Variants in ALG12 observed in about 807,000 individuals in gnomAD.
ALG12 encodes ALG12 alpha-1,6-mannosyltransferase.
Under a neutral mutation model 46.0 loss-of-function variants are expected in ALG12, and 36 were observed. The ratio of observed to expected loss-of-function variants is 0.78; its 90% CI spans 0.60 to 1.03. The LOEUF (loss-of-function observed/expected upper bound fraction) is 1.03. Ranked by LOEUF, ALG12 falls within the 50% of genes least tolerant of loss-of-function variation. The pLI, the probability that ALG12 is intolerant of heterozygous loss-of-function variation, is 0.00. For synonymous variants in ALG12, 326 were observed against 291.6 expected (o/e 1.12, Z -1.20); for missense variants, 599 against 633.5 (o/e 0.95, Z 0.58).
the ALG12 span, among the ~76,000 whole-genome samples, chr22:49,864,817 C>A: frequency 4.0e-5 from 1 of 25,084 alleles, no homozygotes. Flanking sequence ...GAGACCCTGT[C>A]TCCAAAAAAA....
the ALG12 span, among the ~76,000 whole-genome samples, chr22:49,882,517 G>C: frequency 1.3e-5 from 2 of 152,212 alleles, no homozygotes; most frequent in Non-Finnish European, 2.9e-5. Context: ...CTTGGTTTTA[G>C]TTCCTTAGTA....
chr22:49,887,172 G>A, the ALG12 span: 1 of 1,607,234 alleles, frequency 6.2e-7, no homozygotes, highest in Non-Finnish European at 8.5e-7. Context: ...TATACTTTCA[G>A]TATTGAAACT....
At chr22:49,864,142 C>T in the ALG12 span, among the ~76,000 whole-genome samples, 1 of 152,150 alleles carries the variant, frequency 6.6e-6, no homozygotes, top group Non-Finnish European at 1.5e-5. Context: ...GGTTCTAGGC[C>T]TCTGCTGGAG....
chr22:49,883,678 A>G, the ALG12 span: 1 of 1,584,478 alleles, frequency 6.3e-7, no homozygotes, highest in African/African-American at 1.3e-5. Context: ...GAATAACTTG[A>G]AAACTTGTCC....
At chr22:49,867,468 A>G in the ALG12 span, among the ~76,000 whole-genome samples, 1 of 152,176 alleles carries the variant, frequency 6.6e-6, no homozygotes, top group South Asian at 2.1e-4. Flanking sequence ...CTTTCTGTCT[A>G]GTTCTGGGTG....
chr22:49,886,117 G>A, the ALG12 span: 7 of 682,516 alleles, frequency 1.0e-5, no homozygotes, highest in East Asian at 2.5e-5. This position sits in a 1 kb window ranked among gnomAD's most constrained non-coding sequence, Gnocchi z 7.7. Context: ...GACGCTGAAC[G>A]AGGGGGAGCA....
intron 1 of ALG12, among the ~76,000 whole-genome samples, chr22:49,916,308 C>T (rs764380936): frequency 8.1e-5 from 11 of 136,408 alleles, no homozygotes; most frequent in Non-Finnish European, 1.1e-4. Flanking sequence ...AACGGCCGGG[C>T]GTGGTGGCTC....
chr22:49,889,909 C>G, the ALG12 span: 1 of 167,048 alleles, frequency 6.0e-6, no homozygotes, highest in Non-Finnish European at 1.5e-5. Flanking sequence ...AGGCAGGTTC[C>G]TTAATTTCTC....
chr22:49,895,333 G>C (rs928680198), downstream of ALG12, among the ~76,000 whole-genome samples: 2 of 151,992 alleles, frequency 1.3e-5, no homozygotes, highest in African/African-American at 4.8e-5. Context: ...GGTTGGATTT[G>C]TGACAGGGAA....
chr22:49,882,280 A>G, the ALG12 span, among the ~76,000 whole-genome samples: 1 of 152,104 alleles, frequency 6.6e-6, no homozygotes. Context: ...TGGTGGGCGC[A>G]TTGGCTCGCG....
intron 1 of ALG12, among the ~76,000 whole-genome samples, chr22:49,916,941 G>A (rs1569179604): frequency 1.3e-5 from 2 of 152,218 alleles, no homozygotes; most frequent in Non-Finnish European, 2.9e-5. Flanking sequence ...GCTGTGGGGT[G>A]AAAACATTAC....
the ALG12 span, chr22:49,885,941 G>A: frequency 2.1e-5 from 16 of 779,870 alleles, no homozygotes; most frequent in African/African-American, 8.6e-5. Context: ...GCCCGGCCGC[G>A]CTGTGACGAC....
chr22:49,874,506 G>A, the ALG12 span, among the ~76,000 whole-genome samples: 5 of 146,000 alleles, frequency 3.4e-5, no homozygotes, highest in African/African-American at 5.1e-5. Context: ...CTGCCTCAGC[G>A]TCCCAAGTAG....
chr22:49,891,092 T>G, the ALG12 span, among the ~76,000 whole-genome samples: 2 of 152,072 alleles, frequency 1.3e-5, no homozygotes, highest in African/African-American at 2.4e-5. Flanking sequence ...GCATTGAGCA[T>G]CCCAAGAAAC....
rs925778460 is a variant in ALG12, at chr22:49,906,433, G to A, written c.992+1288C>T. 1.2e-4 allele frequency among the ~76,000 whole-genome samples: 19 copies of A among 152,112 alleles called. No homozygotes were observed. The highest frequency in any genetic ancestry group is 4.3e-4 in the African/African-American group (18 of 41,412). ...CTGAGGCGCGGCTACAGCAGCCAGA[G>A]GAGCCCCCAACCCAGGCACGGCCAC... is the stretch of plus-strand genomic sequence containing the variant. On this transcript the variant is annotated intron_variant, in intron 7 of 9. Coordinates refer to ENST00000330817, the MANE Select transcript of ALG12 (RefSeq NM_024105.4). The surrounding 1 kb of genome is among the most constrained non-coding windows in gnomAD (Gnocchi z 4.4).
intron 6 of ALG12, among the ~76,000 whole-genome samples, chr22:49,908,176 G>A (rs1446933879): frequency 2.6e-5 from 4 of 152,218 alleles, no homozygotes; most frequent in Non-Finnish European, 4.4e-5. Context: ...CCTCCAGGCA[G>A]GACCAAGGCA....
intron 3 of ALG12, among the ~76,000 whole-genome samples, chr22:49,912,092 C>CCGGGATCAGCCTCGGCCA (rs2060581346): frequency 9.2e-6 from 1 of 109,106 alleles, no homozygotes; most frequent in African/African-American, 6.4e-5. Flanking sequence ...ACCCTCGGCC[C>CCGGGATCAGCCTCGGCCA]CGGGATCACC....
the ALG12 span, among the ~76,000 whole-genome samples, chr22:49,891,753 T>C: frequency 6.6e-6 from 1 of 152,230 alleles, no homozygotes; most frequent in Non-Finnish European, 1.5e-5. Flanking sequence ...AACAAGTTAG[T>C]ATGAGTTTAT....
At chr22:49,867,455 T>C in the ALG12 span, among the ~76,000 whole-genome samples, 183 of 152,366 alleles carry the variant, frequency 1.2e-3, no homozygotes, top group Non-Finnish European at 2.0e-3. Context: ...CTGTTCTCGC[T>C]GACTTTCTGT....
Sources: gnomAD v4.1 joint callset for allele counts (sites outside exome capture counted in the v4.1 genomes callset) on GRCh38, gnomAD v4.1.1 for gene constraint, Gnocchi (gnomAD v3.1) non-coding constraint, MANE v1.5 for transcripts, NCBI Gene and HGNC (gene_info 2026-07-23, HGNC 2026-07-21) for gene names.